The following ADAMTSL3 variants were observed in gnomAD, a reference collection of about 807,000 sequenced individuals.
ADAMTSL3 encodes the protein ADAMTS like 3.
ADAMTSL3 carries 128 observed loss-of-function variants against 201.7 expected under a neutral mutation model. The observed-to-expected ratio is 0.63, with a 90% CI of 0.55 to 0.73. The LOEUF (loss-of-function observed/expected upper bound fraction) is 0.73. Ranked by LOEUF, ADAMTSL3 falls within the 30% of genes least tolerant of loss-of-function variation. ADAMTSL3 has a pLI of 0.00. For missense variants in ADAMTSL3, 1,990 were observed against 2,119.6 expected (o/e 0.94, Z 1.20); for synonymous variants, 738 against 748.4 (o/e 0.99, Z 0.23).
chr15:83,913,882 G>T (rs1364114384), intron 16 of ADAMTSL3, among the ~76,000 whole-genome samples: 1 of 152,172 alleles, frequency 6.6e-6, no homozygotes, highest in South Asian at 2.1e-4. Context: ...AACCCTGTTA[G>T]GATTAGAAAG....
At chr15:83,658,202 T>C (rs1380405259) in intron 2 of ADAMTSL3, among the ~76,000 whole-genome samples, 2 of 152,164 alleles carry the variant, frequency 1.3e-5, no homozygotes, top group Non-Finnish European at 2.9e-5. Context: ...CTCTGCTTGC[T>C]GGGTTCAAGC....
intron 2 of ADAMTSL3, among the ~76,000 whole-genome samples, chr15:83,665,162 G>T (rs1296461572): frequency 6.6e-6 from 1 of 152,134 alleles, no homozygotes; most frequent in African/African-American, 2.4e-5. Flanking sequence ...ATGAACGTGG[G>T]GATGATGTTA....
At chr15:83,882,728 A>G (rs1441419989) in intron 9 of ADAMTSL3, among the ~76,000 whole-genome samples, 1 of 152,138 alleles carries the variant, frequency 6.6e-6, no homozygotes, top group African/African-American at 2.4e-5. Context: ...GTCCCTCACC[A>G]CTTTGAGGAC....
At chr15:83,873,573 C>G (rs11857593) in intron 9 of ADAMTSL3, among the ~76,000 whole-genome samples, 45,845 of 143,392 alleles carry the variant, frequency 0.32, 11,781 homozygotes, top group East Asian at 0.56. Context: ...GAGACAGAGT[C>G]TCACTATGTT....
intron 15 of ADAMTSL3, among the ~76,000 whole-genome samples, chr15:83,910,887 G>A (rs951246471): frequency 5.3e-5 from 8 of 151,180 alleles, no homozygotes; most frequent in East Asian, 3.9e-4. Flanking sequence ...TGATTCGCCC[G>A]CCTCAGCCTC....
In ADAMTSL3 at chr15:83,942,892, T is replaced by C; in HGVS notation, c.2311-11T>C. On this transcript the variant is annotated splice_polypyrimidine_tract_variant and intron_variant, in intron 18 of 29. Transcript: ENST00000286744. Reference sequence around the variant, plus strand: ...CCAAGCCTGCCGCCTCACCCCCTCTTGTCTTCTTAGTGTTCCAGGACTTGT... The same window carrying C: ...CCAAGCCTGCCGCCTCACCCCCTCTCGTCTTCTTAGTGTTCCAGGACTTGT... The C allele has an allele frequency of 6.2e-7, 1 of 1,610,294 alleles. No individual in the cohort carries two copies. The highest frequency in any genetic ancestry group is 8.5e-7 in the Non-Finnish European group (1 of 1,178,112).
intron 6 of ADAMTSL3, among the ~76,000 whole-genome samples, chr15:83,835,017 G>A (rs1008638142): frequency 1.6e-4 from 25 of 152,044 alleles, no homozygotes; most frequent in Admixed American, 9.2e-4. Flanking sequence ...GGCAGATCAC[G>A]AGATCAGGAG....
chr15:83,802,496 G>A (rs1179579935), intron 4 of ADAMTSL3, among the ~76,000 whole-genome samples: 1 of 152,132 alleles, frequency 6.6e-6, no homozygotes, highest in Non-Finnish European at 1.5e-5. Flanking sequence ...GTACATATGT[G>A]CAATAGAATG....
intron 23 of ADAMTSL3, among the ~76,000 whole-genome samples, chr15:84,008,508 A>G (rs890781937): frequency 3.9e-5 from 6 of 152,022 alleles, no homozygotes; most frequent in African/African-American, 1.5e-4. Flanking sequence ...TCTACCTACC[A>G]TAGTATCTGT....
intron 16 of ADAMTSL3, among the ~76,000 whole-genome samples, 190 bp downstream of exon 16, chr15:83,913,568 A>G (rs573578008): frequency 1.3e-5 from 2 of 151,968 alleles, no homozygotes; most frequent in East Asian, 3.9e-4. Flanking sequence ...TTTAGAAAGG[A>G]GAGTGGGACT....
intron 17 of ADAMTSL3, among the ~76,000 whole-genome samples, chr15:83,932,902 T>C (rs1382866424): frequency 6.6e-6 from 1 of 152,132 alleles, no homozygotes; most frequent in Non-Finnish European, 1.5e-5. Flanking sequence ...AATTATCAGG[T>C]ACAGAATATA....
intron 4 of ADAMTSL3, among the ~76,000 whole-genome samples, chr15:83,793,783 T>C (rs1436200441): frequency 6.6e-6 from 1 of 152,114 alleles, no homozygotes; most frequent in African/African-American, 2.4e-5. Context: ...TTAAAAGATA[T>C]TTTAAAAGAA....
chr15:84,002,130 TGTG>T (rs2067801352), intron 23 of ADAMTSL3, among the ~76,000 whole-genome samples: 1 of 152,176 alleles, frequency 6.6e-6, no homozygotes, highest in Non-Finnish European at 1.5e-5. Flanking sequence ...CAGTTTCTCA[TGTG>T]GTGAAAACAT....
At chr15:83,738,314 G>A (rs2141626454) in intron 3 of ADAMTSL3, among the ~76,000 whole-genome samples, 1 of 152,274 alleles carries the variant, frequency 6.6e-6, no homozygotes, top group Non-Finnish European at 1.5e-5. Flanking sequence ...TCTCCTCAGA[G>A]GAAGCCAATG....
chr15:83,665,787 A>G (rs1401132469), intron 2 of ADAMTSL3, among the ~76,000 whole-genome samples: 1 of 152,244 alleles, frequency 6.6e-6, no homozygotes, highest in African/African-American at 2.4e-5. Context: ...AACGTATGCT[A>G]TAAATTATTG....
At chr15:83,856,660 A>G (rs758514684) in intron 7 of ADAMTSL3, among the ~76,000 whole-genome samples, 9 of 152,190 alleles carry the variant, frequency 5.9e-5, no homozygotes, top group Non-Finnish European at 1.0e-4. Flanking sequence ...CTTCACTACC[A>G]TGACTCAATT....
intron 17 of ADAMTSL3, among the ~76,000 whole-genome samples, chr15:83,935,696 T>C (rs1797008309): frequency 6.6e-6 from 1 of 152,088 alleles, no homozygotes; most frequent in African/African-American, 2.4e-5. Flanking sequence ...TAATGAAGCA[T>C]TATCTTCAAA....
At chr15:83,856,018 A>G (rs751216926) in intron 7 of ADAMTSL3, among the ~76,000 whole-genome samples, 9 of 152,102 alleles carry the variant, frequency 5.9e-5, no homozygotes, top group Non-Finnish European at 1.3e-4. Context: ...CTCAAAAAAC[A>G]AAAACAAAAC....
intron 17 of ADAMTSL3, among the ~76,000 whole-genome samples, chr15:83,928,010 C>G (rs2066282198): frequency 6.6e-6 from 1 of 151,008 alleles, no homozygotes; most frequent in African/African-American, 2.4e-5. Flanking sequence ...GGGTCTCTCT[C>G]TGTTGCTCAG....
Sources: allele counts gnomAD v4.1 joint callset (sites outside exome capture counted in the v4.1 genomes callset), GRCh38; gene constraint gnomAD v4.1.1; transcripts MANE v1.5; gene names NCBI Gene and HGNC (gene_info 2026-07-23, HGNC 2026-07-21).